The following ADAMTSL1 variants were observed in gnomAD, a reference collection of about 807,000 sequenced individuals.
The protein encoded by ADAMTSL1 is ADAMTS like 1, also known as ADAMTS-like protein 1.
Under a neutral mutation model 201.8 loss-of-function variants are expected in ADAMTSL1, and 126 were observed. The observed-to-expected ratio is 0.62, with a 90% CI of 0.54 to 0.72. The LOEUF is 0.72. ADAMTSL1 is among the 30% of genes least tolerant of loss of function. ADAMTSL1 has a pLI of 0.00. For missense variants in ADAMTSL1, 2,679 were observed against 2,277.8 expected, an observed-to-expected ratio of 1.18 and a Z score of -3.59; for synonymous variants, 1,121 against 903.4, an observed-to-expected ratio of 1.24 and a Z score of -4.32.
rs184496345 is a variant in ADAMTSL1 at position 18,671,824 on chromosome 9, G to T, written c.1086-4033G>T. The stretch of plus-strand genomic sequence containing the variant: ...AGGCCAAGGTGGGCAGATCACGAGG[G>T]CAGGAGATCGAGACCATCCTGGCTA... On this transcript the variant is annotated intron_variant, in intron 9 of 28. Transcript: ENST00000380548. Among the ~76,000 whole-genome samples, 286 of 152,192 alleles carry T rather than the reference G, an allele frequency of 1.9e-3. 1 individual carries two copies. The highest frequency in any genetic ancestry group is 6.2e-3 in the South Asian group (30 of 4,824).
intron 1 of ADAMTSL1, among the ~76,000 whole-genome samples, chr9:18,045,763 T>C (rs1012321427): frequency 6.6e-6 from 1 of 152,090 alleles, no homozygotes; most frequent in Admixed American, 6.6e-5. Flanking sequence ...TAAGAAAAAG[T>C]TGTGTGGCCT....
At chr9:18,139,936 G>T (rs1056773258) in intron 1 of ADAMTSL1, among the ~76,000 whole-genome samples, 2 of 152,008 alleles carry the variant, frequency 1.3e-5, no homozygotes, top group Non-Finnish European at 2.9e-5. Context: ...GAAATTTTTA[G>T]GTTCTGGAAA....
chr9:17,918,404 G>C (rs1826184855), intron 1 of ADAMTSL1, among the ~76,000 whole-genome samples: 2 of 151,186 alleles, frequency 1.3e-5, no homozygotes, highest in African/African-American at 4.9e-5. Flanking sequence ...TGGCTATTTA[G>C]AAATGGTTGT....
intron 2 of ADAMTSL1, among the ~76,000 whole-genome samples, chr9:18,167,984 G>T (rs1381565294): frequency 1.3e-5 from 2 of 151,918 alleles, no homozygotes; most frequent in Non-Finnish European, 2.9e-5. Context: ...TGATCTAATT[G>T]CTTCTTCCAT....
chr9:18,033,651 C>T (rs1297721254), intron 1 of ADAMTSL1, among the ~76,000 whole-genome samples: 1 of 152,194 alleles, frequency 6.6e-6, no homozygotes, highest in East Asian at 1.9e-4. Flanking sequence ...CAACTTGGTA[C>T]TCCAGGTTTG....
chr9:18,002,987 T>G (rs1374597289), intron 1 of ADAMTSL1, among the ~76,000 whole-genome samples: 6 of 152,078 alleles, frequency 3.9e-5, no homozygotes, highest in Non-Finnish European at 7.4e-5. Context: ...TACTCTGAAT[T>G]GCTCATCATC....
At chr9:18,237,335 G>A (rs1830887254) in intron 2 of ADAMTSL1, among the ~76,000 whole-genome samples, 1 of 152,094 alleles carries the variant, frequency 6.6e-6, no homozygotes, top group Non-Finnish European at 1.5e-5. Flanking sequence ...AGATACACAG[G>A]GGCACTGTGT....
Position 18,508,902 on chromosome 9 carries a change from A to ATAT in ADAMTSL1, c.191+3946_191+3947insTAT, listed in dbSNP as rs1381173934. 6.1e-3 allele frequency among the ~76,000 whole-genome samples: 871 copies of ATAT among 142,686 alleles called. 77 individuals are homozygous for ATAT. The highest frequency in any genetic ancestry group is 8.8e-3 in the African/African-American group (322 of 36,586). The allele number at this position is 142,686 out of a possible 152,430, so 93.6% of individuals were successfully genotyped here. A position where few individuals can be genotyped will look rare whatever the true frequency, so the allele number is the denominator to read the frequency against. On this transcript the variant is annotated intron_variant, in intron 2 of 28. Coordinates refer to ENST00000380548, the MANE Select transcript of ADAMTSL1 (RefSeq NM_001040272.6). ...TTTGACTCTTATAATTTAGAAATAG[A>ATAT]GGCCGGGCGCGGTGGCTCACGCCTG...
At chr9:17,942,159 A>T (rs961780342) in intron 1 of ADAMTSL1, among the ~76,000 whole-genome samples, 1 of 152,124 alleles carries the variant, frequency 6.6e-6, no homozygotes, top group Admixed American at 6.6e-5. Context: ...AGGGGGATAG[A>T]GAGTTATTGT....
rs1319213395 is a variant in ADAMTSL1, at chr9:18,474,269, C to G, written c.37C>G (p.Leu13Val). Reference sequence around the variant, plus strand: ...CCGTCGGGCAACTCCTGGCACACTGCTCCTCTTTCTGGCTTTCCTGCTCCT... The same window carrying G: ...CCGTCGGGCAACTCCTGGCACACTGGTCCTCTTTCTGGCTTTCCTGCTCCT... Reference protein sequence around the residue: ...CCRRATPGTLLLFLAFLLLSS... With the variant: ...CCRRATPGTLVLFLAFLLLSS... The change falls in exon 1 of 29, where the codon CTC becomes GTC. Residue 13 changes from leucine to valine, a missense_variant. Coordinates refer to ENST00000380548, the MANE Select transcript of ADAMTSL1 (RefSeq NM_001040272.6). 1.2e-6 allele frequency: 2 copies of G among 1,614,064 alleles called. No homozygotes were observed. Among genetic ancestry groups the G allele is most frequent in the Non-Finnish European group, 8.5e-7 (1 of 1,180,034 alleles).
intron 13 of ADAMTSL1, among the ~76,000 whole-genome samples, chr9:18,698,065 T>C (rs1831668928): frequency 6.6e-6 from 1 of 152,238 alleles, no homozygotes; most frequent in Admixed American, 6.5e-5. Flanking sequence ...CTTTTATTTA[T>C]AAAGCACTTA....
chr9:18,833,462 T>G (rs1422870646), intron 23 of ADAMTSL1, among the ~76,000 whole-genome samples: 1 of 152,220 alleles, frequency 6.6e-6, no homozygotes, highest in Non-Finnish European at 1.5e-5. Context: ...ATCAGTGACG[T>G]TGAGTTTTTT....
At chr9:18,210,990 G>A (rs1248746842) in intron 2 of ADAMTSL1, among the ~76,000 whole-genome samples, 1 of 151,910 alleles carries the variant, frequency 6.6e-6, no homozygotes, top group Non-Finnish European at 1.5e-5. Context: ...AGGTGACAGA[G>A]GAGAGAAGCG....
intron 2 of ADAMTSL1, among the ~76,000 whole-genome samples, chr9:18,288,208 C>T (rs148719742): frequency 1.4e-3 from 206 of 152,112 alleles, no homozygotes; most frequent in Non-Finnish European, 2.2e-3. Context: ...AACAGACCAA[C>T]GAGAACGCAT....
At chr9:18,339,841 C>A (rs920252955) in intron 2 of ADAMTSL1, among the ~76,000 whole-genome samples, 1 of 152,092 alleles carries the variant, frequency 6.6e-6, no homozygotes, top group Non-Finnish European at 1.5e-5. Context: ...TAAAGAAAAA[C>A]CATTCTCCAT....
chr9:18,818,892 C>T (rs10156461), intron 21 of ADAMTSL1, among the ~76,000 whole-genome samples: 24,557 of 152,072 alleles, frequency 0.16, 2,267 homozygotes, highest in East Asian at 0.28. Flanking sequence ...GTTTCCCTTC[C>T]AGCCTCATCA....
At chr9:18,276,868 A>G (rs1311535841) in intron 2 of ADAMTSL1, among the ~76,000 whole-genome samples, 1 of 152,144 alleles carries the variant, frequency 6.6e-6, no homozygotes, top group Non-Finnish European at 1.5e-5. Flanking sequence ...CACTAGGCCC[A>G]CCTCCAACAC....
intron 2 of ADAMTSL1, among the ~76,000 whole-genome samples, chr9:18,447,679 G>A (rs1312733476): frequency 6.6e-6 from 1 of 152,154 alleles, no homozygotes; most frequent in Non-Finnish European, 1.5e-5. Context: ...GAGTCCTCAG[G>A]GAGCTCTTTG....
At chr9:18,429,891 G>A (rs1258308062) in intron 2 of ADAMTSL1, among the ~76,000 whole-genome samples, 5 of 152,040 alleles carry the variant, frequency 3.3e-5, no homozygotes, top group African/African-American at 1.2e-4. Flanking sequence ...CCGGGTTCAA[G>A]CGATTCTCCT....
Sources: allele counts gnomAD v4.1 joint callset (sites outside exome capture counted in the v4.1 genomes callset), GRCh38; gene constraint gnomAD v4.1.1; transcripts MANE v1.5; gene names NCBI Gene and HGNC (gene_info 2026-07-23, HGNC 2026-07-21).